The following ERMP1 variants were observed in gnomAD, a reference collection of about 807,000 sequenced individuals.
The protein encoded by ERMP1 is Felix-ina.
A neutral mutation model predicts 92.0 loss-of-function variants in ERMP1; 86 were observed. The ratio of observed to expected loss-of-function variants is 0.93; its 90% CI spans 0.79 to 1.12. The LOEUF (loss-of-function observed/expected upper bound fraction) is 1.12. ERMP1 is among the 50% of genes most tolerant of loss of function. The pLI is 0.00. For missense variants in ERMP1, 1,342 were observed against 1,116.3 expected, an observed-to-expected ratio of 1.20 and a Z score of -2.88; for synonymous variants, 530 against 412.8, an observed-to-expected ratio of 1.28 and a Z score of -3.44.
At chr9:5,859,566 G>A (rs1253854559) in exon 6 of ERMP1, among the ~76,000 whole-genome samples, 1 of 152,186 alleles carries the variant, frequency 6.6e-6, no homozygotes, top group East Asian at 1.9e-4. Context: ...GAAGTTCCGA[G>A]GCGAAGTTCA....
At chr9:5,813,320 T>A (rs1388464926) in intron 4 of ERMP1, among the ~76,000 whole-genome samples, 1 of 152,192 alleles carries the variant, frequency 6.6e-6, no homozygotes, top group Non-Finnish European at 1.5e-5. Context: ...AAATGCCTAT[T>A]ATCAATTGTA....
intron 6 of ERMP1, among the ~76,000 whole-genome samples, chr9:5,853,644 C>T (rs1185752056): frequency 6.6e-6 from 1 of 151,866 alleles, no homozygotes; most frequent in Non-Finnish European, 1.5e-5. Context: ...TGGCAAGGGT[C>T]CTAAACAAGT....
chr9:5,815,494 C>CAAAAAAA (rs3068691), intron 4 of ERMP1, among the ~76,000 whole-genome samples: 67 of 97,296 alleles, frequency 6.9e-4, no homozygotes, highest in African/African-American at 9.3e-4. Flanking sequence ...ACTGAAATAA[C>CAAAAAAA]AAAAAAAAAA....
Position 5,823,891 on chromosome 9 carries a change from CA to C in ERMP1, c.874+4del, listed in dbSNP as rs776398760. ...TTAAAATATACAACGCACAATCTCA[CA>C]TACCTGTTTGGAATACAAGTTCTTT... On this transcript the variant is annotated splice_donor_region_variant and intron_variant, in intron 4 of 14. Transcript: ENST00000339450. 6.3e-7 allele frequency: 1 copy of C among 1,587,272 alleles called. No individual in the cohort carries two copies. The highest frequency in any genetic ancestry group is 8.6e-7 in the Non-Finnish European group (1 of 1,156,684).
At chr9:5,788,503 C>G (rs1218061488) in intron 13 of ERMP1, among the ~76,000 whole-genome samples, 2 of 152,068 alleles carry the variant, frequency 1.3e-5, no homozygotes, top group Non-Finnish European at 2.9e-5. Context: ...CAAGAAAAAT[C>G]CAGTCAAAAA....
At chr9:5,826,367 GCT>G (rs1829731826) in intron 2 of ERMP1, among the ~76,000 whole-genome samples, 1 of 152,172 alleles carries the variant, frequency 6.6e-6, no homozygotes, top group Non-Finnish European at 1.5e-5. Flanking sequence ...GTAAATTTGA[GCT>G]CTGTCACTTT....
At chr9:5,846,278 C>A (rs866178693) in intron 6 of ERMP1, among the ~76,000 whole-genome samples, 2 of 152,146 alleles carry the variant, frequency 1.3e-5, no homozygotes, top group Non-Finnish European at 2.9e-5. Context: ...TGGAAGCCTG[C>A]CAAAAGTAGA....
In ERMP1 at chr9:5,798,026, T is replaced by G. The variant is rs979407238; in HGVS notation, c.2271-94A>C. 6.3e-6 allele frequency: 5 copies of G among 798,306 alleles called. No homozygotes were observed. In the African/African-American group the frequency reaches 8.7e-5, roughly 14 times the overall value. 49.5% of individuals were successfully genotyped at this position (798,306 alleles called of 1,614,324 possible). ...TGTTCAGCATATATGAACACATTTTTGGGTATGAAAATAAACTGACAGACA... is the reference window on the plus strand; with the variant it reads ...TGTTCAGCATATATGAACACATTTTGGGGTATGAAAATAAACTGACAGACA... On this transcript the variant is annotated intron_variant, in intron 12 of 14. Transcript: ENST00000339450.
At chr9:5,793,876 T>C (rs1043183762) in intron 13 of ERMP1, among the ~76,000 whole-genome samples, 1 of 152,010 alleles carries the variant, frequency 6.6e-6, no homozygotes, top group Non-Finnish European at 1.5e-5. Context: ...ACTGAAAAAT[T>C]CAATAGGCAG....
intron 10 of ERMP1, among the ~76,000 whole-genome samples, chr9:5,803,681 A>G (rs569808242): frequency 1.8e-4 from 27 of 152,272 alleles, no homozygotes; most frequent in African/African-American, 6.0e-4. Context: ...GTCTCCTTCA[A>G]TCCTTACAAC....
chr9:5,862,849 G>A (rs1471830719), intron 5 of ERMP1, among the ~76,000 whole-genome samples: 2 of 152,126 alleles, frequency 1.3e-5, no homozygotes, highest in African/African-American at 4.8e-5. Flanking sequence ...CTTGTCCCAG[G>A]AGCCCCAACC....
In ERMP1 at chr9:5,854,979, T is replaced by A. The variant is rs554683769; in HGVS notation, n.3199+4489A>T. ...TTCGCAGTAACAGAAAGGGGAAACA[T>A]CAATCCATGAGAGTTCAGACCAGCA... On this transcript the variant is annotated intron_variant and non_coding_transcript_variant, in intron 6 of 6. Transcript: ENST00000690753. Among the ~76,000 whole-genome samples the A allele has an allele frequency of 8.5e-4, 129 of 152,298 alleles. 1 individual carries two copies. Among genetic ancestry groups the A allele is most frequent in the African/African-American group, 3.1e-3 (127 of 41,568 alleles).
intron 4 of ERMP1, among the ~76,000 whole-genome samples, chr9:5,823,584 C>T (rs1829622841): frequency 6.6e-6 from 1 of 152,160 alleles, no homozygotes; most frequent in African/African-American, 2.4e-5. Context: ...GTTATAATCT[C>T]TCTGGACTCA....
intron 13 of ERMP1, among the ~76,000 whole-genome samples, chr9:5,788,054 TAGCTC>T (rs2131193912): frequency 6.6e-6 from 1 of 152,334 alleles, no homozygotes; most frequent in Non-Finnish European, 1.5e-5. Context: ...TGGAAAATAT[TAGCTC>T]AGTTCTGAAA....
intron 5 of ERMP1, among the ~76,000 whole-genome samples, chr9:5,864,905 C>G (rs1830607291): frequency 6.6e-6 from 1 of 152,116 alleles, no homozygotes; most frequent in East Asian, 1.9e-4. Flanking sequence ...TGCAAGATAA[C>G]AGGCTGCTTC....
intron 5 of ERMP1, among the ~76,000 whole-genome samples, chr9:5,864,172 T>A (rs1001400032): frequency 6.6e-6 from 1 of 152,240 alleles, no homozygotes; most frequent in African/African-American, 2.4e-5. Context: ...TTAATTTACA[T>A]TTCATTGATC....
chr9:5,849,848 A>C (rs1181425265), intron 6 of ERMP1, among the ~76,000 whole-genome samples: 1 of 152,212 alleles, frequency 6.6e-6, no homozygotes, highest in Non-Finnish European at 1.5e-5. Context: ...AAATCTTGAC[A>C]CAAGACAGTA....
chr9:5,792,017 A>G (rs1179687982), intron 13 of ERMP1, among the ~76,000 whole-genome samples: 6 of 152,182 alleles, frequency 3.9e-5, no homozygotes, highest in Admixed American at 3.9e-4. Flanking sequence ...AAATCTTCAT[A>G]TTTTGCCAAG....
At position 5,829,808 on chromosome 9, in the gene ERMP1, G is replaced by C. The variant is rs535733338; in HGVS notation, c.640+919C>G. 1.8e-4 allele frequency among the ~76,000 whole-genome samples: 27 copies of C among 152,224 alleles called. No homozygotes were observed. In the South Asian group the frequency reaches 5.4e-3, roughly 30 times the overall value. The stretch of plus-strand genomic sequence containing the variant: ...AGGGGTTCAGCCAGATGCCATCTCA[G>C]GTCTTGTCTACCACTAAAATGCTAT... On this transcript the variant is annotated intron_variant, in intron 2 of 14. Transcript: ENST00000339450.
Sources: allele counts gnomAD v4.1 joint callset (sites outside exome capture counted in the v4.1 genomes callset), GRCh38; gene constraint gnomAD v4.1.1; transcripts MANE v1.5; gene names NCBI Gene and HGNC (gene_info 2026-07-23, HGNC 2026-07-21).